Variants in ACYP2 observed in about 807,000 individuals in gnomAD.
ACYP2 encodes the protein acylphosphatase-2.
A neutral mutation model predicts 11.2 loss-of-function variants in ACYP2; 12 were observed. That is an observed-to-expected ratio of 1.08 (90% CI 0.69 to 1.74). The LOEUF (loss-of-function observed/expected upper bound fraction) is 1.74. Ranked by LOEUF, ACYP2 falls within the 40% of genes most tolerant of loss-of-function variation. ACYP2 has a pLI of 0.00. For missense variants in ACYP2, 134 were observed against 101.9 expected, an observed-to-expected ratio of 1.31 and a Z score of -1.35; for synonymous variants, 43 against 32.2, an observed-to-expected ratio of 1.33 and a Z score of -1.13.
chr2:54,044,940 C>T (rs1675434340), intron 2 of ACYP2, among the ~76,000 whole-genome samples: 1 of 152,192 alleles, frequency 6.6e-6, no homozygotes, highest in Non-Finnish European at 1.5e-5. Context: ...ATCATGAGGT[C>T]AGCTCACTCT....
chr2:54,001,848 A>C (rs1425485749), intron 2 of ACYP2, among the ~76,000 whole-genome samples: 1 of 152,154 alleles, frequency 6.6e-6, no homozygotes, highest in African/African-American at 2.4e-5. Flanking sequence ...CAATAGACTT[A>C]ATAGTTTAGA....
At chr2:54,134,632 G>C (rs1185544310) in intron 4 of ACYP2, among the ~76,000 whole-genome samples, 2 of 152,158 alleles carry the variant, frequency 1.3e-5, no homozygotes, top group Non-Finnish European at 2.9e-5. Flanking sequence ...TCTCCAAAAA[G>C]TCTTCCTTTT....
chr2:54,152,154 T>A (rs1315656788), intron 6 of ACYP2, among the ~76,000 whole-genome samples: 1 of 149,160 alleles, frequency 6.7e-6, no homozygotes, highest in African/African-American at 2.5e-5. Context: ...AGTTTTGCTC[T>A]GTTCCCAGGC....
intron 2 of ACYP2, among the ~76,000 whole-genome samples, chr2:53,988,354 A>G (rs987464380): frequency 6.6e-6 from 1 of 152,096 alleles, no homozygotes; most frequent in African/African-American, 2.4e-5. Flanking sequence ...ATTTAGGTCA[A>G]GGTTTATGTT....
At chr2:54,051,187 C>T in intron 3 of ACYP2, 2 of 727,330 alleles carry the variant, frequency 2.7e-6, no homozygotes, top group East Asian at 2.4e-5. Flanking sequence ...GACTCTGCCT[C>T]ACTGAGGAAA....
At chr2:54,099,280 G>T (rs1678758542) in intron 4 of ACYP2, among the ~76,000 whole-genome samples, 1 of 152,152 alleles carries the variant, frequency 6.6e-6, no homozygotes, top group South Asian at 2.1e-4. Context: ...TTACTTTTGT[G>T]TGGTGAGAAC....
intron 6 of ACYP2, among the ~76,000 whole-genome samples, chr2:54,227,285 T>G (rs578152743): frequency 3.3e-5 from 5 of 152,208 alleles, no homozygotes; most frequent in Non-Finnish European, 7.3e-5. Flanking sequence ...AGTCTTATTT[T>G]TAAGAGTTTG....
chr2:54,153,901 G>A lies in ACYP2; in HGVS notation c.404+15153G>A, dbSNP rs552786790. ...AGGCATGAGCCACCGCACCTGGCCC[G>A]TAGTTGGACTTTTTAACAATATTAA... On this transcript the variant is annotated intron_variant, in intron 6 of 6. Transcript: ENST00000607452. 6.6e-5 allele frequency among the ~76,000 whole-genome samples: 10 copies of A among 152,116 alleles called. 1 individual carries two copies. The highest frequency in any genetic ancestry group is 1.2e-4 in the African/African-American group (5 of 41,528).
At chr2:54,119,511 G>A (rs147886426) in intron 4 of ACYP2, among the ~76,000 whole-genome samples, 51 of 152,200 alleles carry the variant, frequency 3.4e-4, no homozygotes, top group African/African-American at 1.2e-3. Flanking sequence ...GACAAAATAC[G>A]GATTGATAAA....
chr2:53,997,913 G>T (rs1046716124), intron 2 of ACYP2, among the ~76,000 whole-genome samples: 1 of 152,204 alleles, frequency 6.6e-6, no homozygotes, highest in African/African-American at 2.4e-5. Flanking sequence ...CTTAGGTAAA[G>T]ACTAGGGCAG....
At chr2:54,122,672 A>G (rs1680230926) in intron 4 of ACYP2, among the ~76,000 whole-genome samples, 1 of 152,178 alleles carries the variant, frequency 6.6e-6, no homozygotes, top group African/African-American at 2.4e-5. Flanking sequence ...AGTATGCTTC[A>G]TACTAGGAAT....
intron 2 of ACYP2, among the ~76,000 whole-genome samples, chr2:54,002,915 T>G (rs2104528828): frequency 6.6e-6 from 1 of 151,722 alleles, no homozygotes; most frequent in Middle Eastern, 3.4e-3. Flanking sequence ...CCCAAAGTGC[T>G]GGGATTACAG....
Position 54,015,423 on chromosome 2 carries a change from G to A in ACYP2, c.63-35535G>A, listed in dbSNP as rs527931529. ...CGTGGGAGGCTGAGGCAGGAGACTC[G>A]CTTGAACCTGGGAGACAGAGGTTGC... is the stretch of plus-strand genomic sequence containing the variant. On this transcript the variant is annotated intron_variant, in intron 2 of 6. Transcript: ENST00000607452. Among the ~76,000 whole-genome samples the A allele has an allele frequency of 1.6e-3, 246 of 152,092 alleles. 1 individual carries two copies. Among genetic ancestry groups the A allele is most frequent in the African/African-American group, 4.2e-3 (176 of 41,492 alleles).
intron 4 of ACYP2, among the ~76,000 whole-genome samples, chr2:54,078,178 C>T (rs887024839): frequency 1.3e-5 from 2 of 151,860 alleles, no homozygotes; most frequent in Non-Finnish European, 2.9e-5. Flanking sequence ...AACTCCTGAT[C>T]TCAAATGATC....
intron 6 of ACYP2, among the ~76,000 whole-genome samples, chr2:54,220,314 G>T (rs1308827802): frequency 6.6e-6 from 1 of 152,028 alleles, no homozygotes. Context: ...TTTATAAAAT[G>T]ATTGAAAACA....
At chr2:54,050,673 C>T (rs1357943253) in intron 2 of ACYP2, among the ~76,000 whole-genome samples, 2 of 152,144 alleles carry the variant, frequency 1.3e-5, no homozygotes, top group African/African-American at 4.8e-5. Flanking sequence ...GTATACACCG[C>T]TCCAGTGCTG....
intron 6 of ACYP2, among the ~76,000 whole-genome samples, chr2:54,242,149 C>G (rs1043793238): frequency 5.9e-5 from 9 of 152,158 alleles, no homozygotes; most frequent in Admixed American, 2.6e-4. Context: ...TTGCTATGTT[C>G]AAAACATTTG....
chr2:54,200,912 A>G (rs2103906774), intron 6 of ACYP2, among the ~76,000 whole-genome samples: 1 of 152,214 alleles, frequency 6.6e-6, no homozygotes, highest in South Asian at 2.1e-4. Flanking sequence ...ATCCTCACCA[A>G]CACTTGTTAT....
At chr2:54,222,270 C>T (rs1685828673) in intron 6 of ACYP2, among the ~76,000 whole-genome samples, 1 of 152,084 alleles carries the variant, frequency 6.6e-6, no homozygotes, top group African/African-American at 2.4e-5. Flanking sequence ...GAATTACAGG[C>T]CAGGCGTGGT....
Sources: allele counts gnomAD v4.1 joint callset (sites outside exome capture counted in the v4.1 genomes callset), GRCh38; gene constraint gnomAD v4.1.1; transcripts MANE v1.5; gene names NCBI Gene and HGNC (gene_info 2026-07-23, HGNC 2026-07-21).